SLC4A10: variants seen among roughly 807,000 people sequenced by gnomAD.
SLC4A10 encodes the protein sodium-driven chloride bicarbonate exchanger.
SLC4A10 carries 42 observed loss-of-function variants against 137.7 expected under a neutral mutation model. The observed-to-expected ratio is 0.30, with a 90% CI of 0.24 to 0.39. SLC4A10 has a LOEUF of 0.39. Ranked by LOEUF, SLC4A10 falls within the 10% of genes least tolerant of loss-of-function variation. SLC4A10 has a pLI of 1.00. For synonymous variants in SLC4A10, 474 were observed against 464.1 expected (o/e 1.02, Z -0.27); for missense variants, 925 against 1,355.0 (o/e 0.68, Z 4.98).
chr2:161,782,496 T>C (rs2053149885), intron 2 of SLC4A10, among the ~76,000 whole-genome samples: 1 of 151,272 alleles, frequency 6.6e-6, no homozygotes, highest in African/African-American at 2.4e-5. Flanking sequence ...CCAAACTAGG[T>C]AACAGAAAAA....
At chr2:161,640,378 G>A (rs2035099072) in intron 1 of SLC4A10, among the ~76,000 whole-genome samples, 1 of 152,054 alleles carries the variant, frequency 6.6e-6, no homozygotes, top group African/African-American at 2.4e-5. Context: ...ATGTCATTAA[G>A]GAGCTGCTGG....
intron 6 of SLC4A10, among the ~76,000 whole-genome samples, chr2:161,865,814 G>C (rs1279913852): frequency 3.9e-5 from 6 of 151,930 alleles, no homozygotes; most frequent in African/African-American, 1.4e-4. Flanking sequence ...ATGTAAATTG[G>C]AAATTCTGTT....
At chr2:161,657,936 T>C (rs564623646) in intron 1 of SLC4A10, among the ~76,000 whole-genome samples, 3 of 152,286 alleles carry the variant, frequency 2.0e-5, no homozygotes, top group East Asian at 3.9e-4. Context: ...TTAATTAAAT[T>C]ATAATAGGCC....
At chr2:161,724,287 A>G (rs974567691) in intron 1 of SLC4A10, among the ~76,000 whole-genome samples, 1 of 152,200 alleles carries the variant, frequency 6.6e-6, no homozygotes, top group Non-Finnish European at 1.5e-5. Context: ...AACTCATTGA[A>G]AGGCTCACCA....
intron 6 of SLC4A10, among the ~76,000 whole-genome samples, chr2:161,868,487 C>G (rs1009437727): frequency 4.0e-5 from 6 of 151,416 alleles, no homozygotes; most frequent in Non-Finnish European, 8.9e-5. Flanking sequence ...ATAATTTGCC[C>G]TAGAAAAATT....
intron 12 of SLC4A10, among the ~76,000 whole-genome samples, chr2:161,903,090 T>C (rs1683487254): frequency 6.6e-6 from 1 of 152,182 alleles, no homozygotes; most frequent in African/African-American, 2.4e-5. Flanking sequence ...TAAATGTTCA[T>C]AAAATGAGAA....
At position 161,911,546 on chromosome 2, in the gene SLC4A10, T is replaced by G. The variant is rs541426650; in HGVS notation, c.1997+5659T>G. 2.2e-4 allele frequency among the ~76,000 whole-genome samples: 33 copies of G among 152,222 alleles called. No individual in the cohort carries two copies. In the South Asian group the frequency reaches 6.4e-3, roughly 30 times the overall value. On this transcript the variant is annotated intron_variant, in intron 15 of 26. Coordinates refer to ENST00000446997, the MANE Select transcript of SLC4A10 (RefSeq NM_001178015.2). The stretch of plus-strand genomic sequence containing the variant: ...TAGAGAACTATCTGTTTCAACCTTT[T>G]TAAATCACATTTTTTGCGACGTATA...
intron 1 of SLC4A10, among the ~76,000 whole-genome samples, chr2:161,759,978 G>T (rs1225882259): frequency 2.6e-5 from 4 of 151,846 alleles, no homozygotes; most frequent in African/African-American, 9.7e-5. Flanking sequence ...TTGTTATTTT[G>T]TCATTTCTTT....
intron 4 of SLC4A10, among the ~76,000 whole-genome samples, chr2:161,840,470 A>G (rs2059113443): frequency 6.6e-6 from 1 of 152,236 alleles, no homozygotes; most frequent in Admixed American, 6.5e-5. Flanking sequence ...TAAGATTTTT[A>G]CATTGCTATA....
At chr2:161,934,411 C>T (rs1014905532) in intron 15 of SLC4A10, among the ~76,000 whole-genome samples, 12 of 151,874 alleles carry the variant, frequency 7.9e-5, no homozygotes, top group African/African-American at 2.9e-4. Flanking sequence ...TAAGTGAAAA[C>T]ATGCAAAGTC....
chr2:161,656,623 A>C (rs1277815358), intron 1 of SLC4A10, among the ~76,000 whole-genome samples: 1 of 152,182 alleles, frequency 6.6e-6, no homozygotes, highest in Non-Finnish European at 1.5e-5. Flanking sequence ...ATAACTCAAG[A>C]ATTGAACAAT....
In SLC4A10 at chr2:161,934,800, C is replaced by G. The variant is rs543063389; in HGVS notation, c.1998-7992C>G. Among the ~76,000 whole-genome samples the G allele has an allele frequency of 1.6e-4, 24 of 151,634 alleles. No individual in the cohort carries two copies. In the South Asian group the frequency reaches 4.8e-3, roughly 30 times the overall value. The stretch of plus-strand genomic sequence containing the variant: ...ATTTTTAACCTTGTTTTTTTTCTTA[C>G]AGTTGTGTTGAGTTCCTCGTATATT... On this transcript the variant is annotated intron_variant, in intron 15 of 26. Coordinates refer to ENST00000446997, the MANE Select transcript of SLC4A10 (RefSeq NM_001178015.2).
At chr2:161,765,608 C>CA (rs370721653) in intron 1 of SLC4A10, among the ~76,000 whole-genome samples, 9,166 of 93,028 alleles carry the variant, frequency 0.099, 632 homozygotes, top group African/African-American at 0.21. Flanking sequence ...GAGCAAGACT[C>CA]AAAAAAAAAA....
At chr2:161,971,879 C>G (rs1365166489) in intron 23 of SLC4A10, among the ~76,000 whole-genome samples, 2 of 152,184 alleles carry the variant, frequency 1.3e-5, no homozygotes, top group Admixed American at 1.3e-4. Context: ...AAAGCCCACA[C>G]ATGCTAACAA....
chr2:161,746,221 G>GT (rs2048368968), intron 1 of SLC4A10, among the ~76,000 whole-genome samples: 1 of 152,076 alleles, frequency 6.6e-6, no homozygotes, highest in Admixed American at 6.6e-5. Context: ...CCATCCAGGA[G>GT]TTAGGGCCTG....
chr2:161,923,764 T>G (rs938197586), intron 15 of SLC4A10, among the ~76,000 whole-genome samples: 15 of 151,946 alleles, frequency 9.9e-5, no homozygotes, highest in African/African-American at 3.6e-4. Flanking sequence ...ACATGGCACA[T>G]GTATACATAT....
chr2:161,935,704 G>A (rs559409238), intron 15 of SLC4A10, among the ~76,000 whole-genome samples: 1 of 152,150 alleles, frequency 6.6e-6, no homozygotes, highest in African/African-American at 2.4e-5. Flanking sequence ...GGGTGTTAAA[G>A]TGCTACCCAT....
intron 1 of SLC4A10, among the ~76,000 whole-genome samples, chr2:161,730,821 A>G (rs1454664027): frequency 1.3e-5 from 2 of 152,218 alleles, no homozygotes. Context: ...CCATTACACT[A>G]TTGAACCTAA....
intron 1 of SLC4A10, among the ~76,000 whole-genome samples, chr2:161,670,036 A>T (rs1467503720): frequency 2.6e-5 from 4 of 152,112 alleles, no homozygotes; most frequent in Non-Finnish European, 5.9e-5. Context: ...CAGTTTTTGT[A>T]TCAATAAATT....
Sources: allele counts gnomAD v4.1 joint callset (sites outside exome capture counted in the v4.1 genomes callset), GRCh38; gene constraint gnomAD v4.1.1; transcripts MANE v1.5; gene names NCBI Gene and HGNC (gene_info 2026-07-23, HGNC 2026-07-21).